RAB14: variants seen among roughly 807,000 people sequenced by gnomAD.
RAB14 encodes the protein RAB14, member RAS oncogene family, also known as ras-related protein Rab-14.
Under a neutral mutation model 31.1 loss-of-function variants are expected in RAB14, and 3 were observed. The ratio of observed to expected loss-of-function variants is 0.10; its 90% CI spans 0.04 to 0.25. The LOEUF (loss-of-function observed/expected upper bound fraction) is 0.25. Ranked by LOEUF, RAB14 falls within the 10% of genes least tolerant of loss-of-function variation. The pLI, the probability that RAB14 is intolerant of heterozygous loss-of-function variation, is 1.00. For missense variants in RAB14, 111 were observed against 260.1 expected, an observed-to-expected ratio of 0.43 and a Z score of 3.94; for synonymous variants, 85 against 84.9, an observed-to-expected ratio of 1.00 and a Z score of 0.00.
At chr9:121,201,058 A>ACCCCGG (rs1248737254) in intron 1 of RAB14, among the ~76,000 whole-genome samples, 68 of 151,506 alleles carry the variant, frequency 4.5e-4, no homozygotes, top group African/African-American at 1.5e-3. Flanking sequence ...ACAGACCCAG[A>ACCCCGG]CCCCGGCCCC....
At chr9:121,188,756 G>A (rs531095269) in intron 4 of RAB14, among the ~76,000 whole-genome samples, 2 of 152,132 alleles carry the variant, frequency 1.3e-5, no homozygotes, top group East Asian at 3.9e-4. Context: ...TATCACTTTA[G>A]CGCCTGACTA....
chr9:121,197,865 T>C (rs2053726929), intron 1 of RAB14, among the ~76,000 whole-genome samples: 1 of 152,144 alleles, frequency 6.6e-6, no homozygotes, highest in Admixed American at 6.6e-5. Flanking sequence ...AGCAAAGAAA[T>C]GACTGAATAA....
rs1211998308 is a variant in RAB14, at chr9:121,181,245, A to C, written c.*151T>G. On this transcript the variant is annotated 3_prime_UTR_variant, in exon 8 of 8. Transcript: ENST00000373840. ...ATTACATCTAGTTGTTTAGCAGTTT[A>C]GTATTGTGTTAAACTGTTTTTACAA... 1.4e-6 allele frequency: 1 copy of C among 733,994 alleles called. No individual in the cohort carries two copies. The highest frequency in any genetic ancestry group is 2.9e-5 in the East Asian group (1 of 34,430). The allele number at this position is 733,994 out of a possible 1,614,324, so 45.5% of individuals were successfully genotyped here. A position where few individuals can be genotyped will look rare whatever the true frequency, so the allele number is the denominator to read the frequency against.
chr9:121,185,167 C>T (rs553455077), intron 5 of RAB14, among the ~76,000 whole-genome samples: 2 of 152,036 alleles, frequency 1.3e-5, no homozygotes, highest in Non-Finnish European at 2.9e-5. Context: ...GGACACAGGG[C>T]GGTAAGGTTA....
intron 1 of RAB14, among the ~76,000 whole-genome samples, chr9:121,194,606 T>A (rs2053705201): frequency 6.6e-6 from 1 of 151,976 alleles, no homozygotes; most frequent in African/African-American, 2.4e-5. Flanking sequence ...CATATAAAGA[T>A]TTCACCCATT....
rs762438919 is a variant in RAB14, at chr9:121,194,090, T to TCTCACA, written c.-7-672_-7-671insTGTGAG. Reference sequence around the variant, plus strand: ...AACCTAATACAGGACTTGCAGATTATCACTCACACACACACACACACACAC... The same window carrying TCTCACA: ...AACCTAATACAGGACTTGCAGATTATCTCACACACTCACACACACACACACACACAC... On this transcript the variant is annotated intron_variant, in intron 1 of 7. Coordinates refer to ENST00000373840, the MANE Select transcript of RAB14 (RefSeq NM_016322.4). Among the ~76,000 whole-genome samples, 64 of 141,402 alleles carry TCTCACA rather than the reference T, an allele frequency of 4.5e-4. 2 individuals are homozygous for TCTCACA. Among genetic ancestry groups the TCTCACA allele is most frequent in the Middle Eastern group, 3.4e-3 (1 of 294 alleles). 92.8% of individuals were successfully genotyped at this position (141,402 alleles called of 152,430 possible).
At chr9:121,184,468 T>C (rs183533256) in intron 5 of RAB14, among the ~76,000 whole-genome samples, 7 of 152,226 alleles carry the variant, frequency 4.6e-5, no homozygotes, top group Non-Finnish European at 8.8e-5. Context: ...TGTACATTTA[T>C]GAGCTTATTT....
intron 5 of RAB14, among the ~76,000 whole-genome samples, chr9:121,185,169 G>C (rs933516831): frequency 3.3e-5 from 5 of 152,156 alleles, no homozygotes; most frequent in Admixed American, 2.6e-4. Context: ...ACACAGGGCG[G>C]TAAGGTTAAT....
chr9:121,193,329 T>G, intron 2 of RAB14, 32 bp downstream of exon 2: 1 of 1,429,098 alleles, frequency 7.0e-7, no homozygotes, highest in Non-Finnish European at 9.8e-7. Context: ...AACCTTCTTT[T>G]GGGAACAAGA....
chr9:121,192,856 A>G (rs1382767314), intron 2 of RAB14, among the ~76,000 whole-genome samples: 1 of 152,196 alleles, frequency 6.6e-6, no homozygotes, highest in East Asian at 1.9e-4. Context: ...GTGTACTTTC[A>G]AATGTAGTTT....
chr9:121,186,978 G>T lies in RAB14; in HGVS notation c.326C>A (p.Ala109Glu). Reference sequence around the variant, plus strand: ...AGTATTTGGATTGGTGAGATTCCTTGCATCTGTCAACCAGCTGCTTAAGTG... The same window carrying T: ...AGTATTTGGATTGGTGAGATTCCTTTCATCTGTCAACCAGCTGCTTAAGTG... ...YNHLSSWLTD[A>E]RNLTNPNTVI... The change falls in exon 5 of 8, where the codon GCA becomes GAA. Residue 109 changes from alanine to glutamate, a missense_variant. By Grantham distance (107) the Ala-to-Glu change is moderately radical (BLOSUM62 -1). Transcript: ENST00000373840. 6.4e-7 allele frequency: 1 copy of T among 1,565,862 alleles called. No individual in the cohort carries two copies. Among genetic ancestry groups the T allele is most frequent in the African/African-American group, 1.4e-5 (1 of 72,578 alleles).
chr9:121,181,664 TG>T, intron 7 of RAB14, 91 bp from the exon 8 acceptor site: 4 of 1,017,830 alleles, frequency 3.9e-6, no homozygotes, highest in Non-Finnish European at 5.7e-6. Context: ...TTAACTGCCA[TG>T]ATGTCTCCAA....
chr9:121,201,305 G>T (rs2053774763), intron 1 of RAB14, among the ~76,000 whole-genome samples: 1 of 152,082 alleles, frequency 6.6e-6, no homozygotes. Flanking sequence ...GCCCGCGGGA[G>T]ATGCGGTCCT....
At chr9:121,187,303 A>C (rs1564319632) in intron 4 of RAB14, among the ~76,000 whole-genome samples, 3 of 152,110 alleles carry the variant, frequency 2.0e-5, no homozygotes, top group African/African-American at 7.2e-5. Flanking sequence ...TAAGCAAGCA[A>C]GGAACAACAC....
chr9:121,183,029 A>G, intron 6 of RAB14, 69 bp from the exon 7 acceptor site: 1 of 1,455,868 alleles, frequency 6.9e-7, no homozygotes, highest in South Asian at 1.2e-5. Context: ...CTTTAGTAAC[A>G]TCTGAAAAAG....
chr9:121,198,893 T>C (rs528841734), intron 1 of RAB14, among the ~76,000 whole-genome samples: 1 of 152,082 alleles, frequency 6.6e-6, no homozygotes, highest in South Asian at 2.1e-4. Context: ...CTAATAAAAA[T>C]GAGTGGTCAA....
At position 121,181,307 on chromosome 9, in the gene RAB14, G is replaced by T; in HGVS notation, c.*89C>A. 1.6e-6 allele frequency: 2 copies of T among 1,271,706 alleles called. No individual in the cohort carries two copies. Among genetic ancestry groups the T allele is most frequent in the Non-Finnish European group, 2.1e-6 (2 of 945,568 alleles). The allele number at this position is 1,271,706 out of a possible 1,614,324, so 78.8% of individuals were successfully genotyped here. ...CTTTTTTTTTAATTAAACCCAGTAAGATGTACAGAAGACAATGAGGCAGTA... is the reference window on the plus strand; with the variant it reads ...CTTTTTTTTTAATTAAACCCAGTAATATGTACAGAAGACAATGAGGCAGTA... On this transcript the variant is annotated 3_prime_UTR_variant, in exon 8 of 8. Transcript: ENST00000373840.
At chr9:121,188,594 G>A (rs751769557) in intron 4 of RAB14, among the ~76,000 whole-genome samples, 9 of 151,424 alleles carry the variant, frequency 5.9e-5, no homozygotes, top group Non-Finnish European at 1.2e-4. Context: ...CAAAACAACT[G>A]TCACGACAAG....
chr9:121,197,673 A>G (rs997817864), intron 1 of RAB14, among the ~76,000 whole-genome samples: 3 of 152,260 alleles, frequency 2.0e-5, no homozygotes, highest in Admixed American at 2.0e-4. Context: ...TTTCATACAT[A>G]CTGCTTGTGG....
Sources: gnomAD v4.1 joint callset for allele counts (sites outside exome capture counted in the v4.1 genomes callset) on GRCh38, gnomAD v4.1.1 for gene constraint, MANE v1.5 for transcripts, NCBI Gene and HGNC (gene_info 2026-07-23, HGNC 2026-07-21) for gene names.